The following RAP1B variants were observed in gnomAD, a reference collection of about 807,000 sequenced individuals.
RAP1B encodes the protein RAP1B, member of RAS oncogene family, also known as ras-related protein Rap-1b.
In RAP1B, 1 loss-of-function variant was observed where a neutral mutation model predicts 27.5. The observed-to-expected ratio is 0.04, with a 90% CI of 0.01 to 0.17. RAP1B has a LOEUF of 0.17. Among genes scored for constraint, RAP1B ranks in the 10% least tolerant of loss-of-function variants. The probability of loss-of-function intolerance (pLI) is 1.00; values close to 1 mark genes in which losing one functional copy is unlikely to be tolerated. For missense variants in RAP1B, 84 were observed against 214.8 expected, an observed-to-expected ratio of 0.39 and a Z score of 3.81; for synonymous variants, 75 against 73.1, an observed-to-expected ratio of 1.03 and a Z score of -0.13.
chr12:68,627,117 T>A (rs1871851296), intron 1 of RAP1B: 9 of 1,587,388 alleles, frequency 5.7e-6, no homozygotes, highest in Non-Finnish European at 7.7e-6. Context: ...GATGATAACT[T>A]GGCCAGTGTG....
At position 68,635,628 on chromosome 12, in the gene RAP1B, G is replaced by A. The variant is rs2135940206; in HGVS notation, c.-26-13071G>A. Among the ~76,000 whole-genome samples the A allele has an allele frequency of 1.3e-5, 2 of 150,408 alleles. 1 individual carries two copies. The highest frequency in any genetic ancestry group is 4.9e-5 in the African/African-American group (2 of 40,942). Reference sequence around the variant, plus strand: ...CCGCCACCTCACCCAGCCAATTTTTGTATTTTGGTAGAGACGGGGTTTCAC... The same window carrying A: ...CCGCCACCTCACCCAGCCAATTTTTATATTTTGGTAGAGACGGGGTTTCAC... On this transcript the variant is annotated intron_variant, in intron 1 of 7. Transcript: ENST00000250559.
In RAP1B at chr12:68,634,391, A is replaced by G. The variant is rs61925015; in HGVS notation, c.-26-14308A>G. Among the ~76,000 whole-genome samples the G allele has an allele frequency of 4.7e-3, 713 of 152,310 alleles. 5 individuals are homozygous for G. The highest frequency in any genetic ancestry group is 7.3e-3 in the Non-Finnish European group (494 of 68,012). On this transcript the variant is annotated intron_variant, in intron 1 of 7. Transcript: ENST00000250559. ...AAGTAGAACTGATTCCAACCCAGAC[A>G]ATGGGATCTAAAGCCTATACTGAGT... is the stretch of plus-strand genomic sequence containing the variant.
chr12:68,621,777 T>C (rs1241179696), intron 1 of RAP1B, among the ~76,000 whole-genome samples: 1 of 152,208 alleles, frequency 6.6e-6, no homozygotes, highest in Non-Finnish European at 1.5e-5. Context: ...GAAGGTCCTA[T>C]GTAGAGGATA....
chr12:68,611,546 C>T (rs547740960), intron 1 of RAP1B, among the ~76,000 whole-genome samples: 1 of 152,062 alleles, frequency 6.6e-6, no homozygotes, highest in South Asian at 2.1e-4. Context: ...TTCTCCCAGC[C>T]CCGAGCTAGG....
intron 5 of RAP1B, 99 bp downstream of exon 5, chr12:68,654,351 TG>T (rs112638624): frequency 0.011 from 1,842 of 164,802 alleles, 14 homozygotes; most frequent in Middle Eastern, 0.04. Flanking sequence ...GTATTTTGGT[TG>T]GGGGGGGGGT....
rs1873605645 is a variant in RAP1B, at chr12:68,648,784, A to G, written c.57+3A>G. 9 of 1,609,646 alleles carry G rather than the reference A, an allele frequency of 5.6e-6. No individual in the cohort carries two copies. Among genetic ancestry groups the G allele is most frequent in the Admixed American group, 5.1e-5 (3 of 58,894 alleles). ...GAGGCGTTGGAAAGTCTGCTTTGGTAAGTCATTCTTACTTTACCTAAGCCT... is the reference window on the plus strand; with the variant it reads ...GAGGCGTTGGAAAGTCTGCTTTGGTGAGTCATTCTTACTTTACCTAAGCCT... On this transcript the variant is annotated splice_donor_region_variant and intron_variant, in intron 2 of 7. Transcript: ENST00000250559.
rs878980222 is a variant in RAP1B, at chr12:68,643,015, T to C, written c.-26-5684T>C. ...CCATGTTGGGATTCTTCACCGACCC[T>C]GGCTGCCCACGGTCCACTGCAGCCG... is the stretch of plus-strand genomic sequence containing the variant. On this transcript the variant is annotated intron_variant, in intron 1 of 7. Coordinates refer to ENST00000250559, the MANE Select transcript of RAP1B (RefSeq NM_001010942.3). 1.5e-4 allele frequency: 116 copies of C among 779,748 alleles called. 1 individual carries two copies. Among genetic ancestry groups the C allele is most frequent in the South Asian group, 1.2e-3 (90 of 73,830 alleles). The allele number at this position is 779,748 out of a possible 1,614,324, so 48.3% of individuals were successfully genotyped here.
chr12:68,618,009 C>T (rs922595886), intron 1 of RAP1B, among the ~76,000 whole-genome samples: 8 of 151,550 alleles, frequency 5.3e-5, no homozygotes, highest in Non-Finnish European at 1.2e-4. Context: ...GTAATCTGCC[C>T]GCCTCCACCT....
intron 1 of RAP1B, among the ~76,000 whole-genome samples, chr12:68,635,820 G>A (rs1386481962): frequency 6.6e-6 from 1 of 152,232 alleles, no homozygotes; most frequent in East Asian, 1.9e-4. Context: ...GGTGAGTGTA[G>A]TAGTTAAACA....
At chr12:68,617,360 T>C (rs1871099820) in intron 1 of RAP1B, among the ~76,000 whole-genome samples, 2 of 152,220 alleles carry the variant, frequency 1.3e-5, no homozygotes, top group African/African-American at 4.8e-5. Flanking sequence ...ATCCACAAGC[T>C]TCTCAATACA....
Position 68,642,893 on chromosome 12 carries a change from C to T in RAP1B, c.-26-5806C>T, listed in dbSNP as rs1873122383. 6 of 958,930 alleles carry T rather than the reference C, an allele frequency of 6.3e-6. No homozygotes were observed. The South Asian group carries it at 6.5e-5, about 10-fold the overall frequency. 59.4% of individuals were successfully genotyped at this position (958,930 alleles called of 1,614,324 possible). ...CAACCTGGAGGTGAGGGTCTCATTCCAGGATTTCAGGAAACTAGCAATGGC... is the reference window on the plus strand; with the variant it reads ...CAACCTGGAGGTGAGGGTCTCATTCTAGGATTTCAGGAAACTAGCAATGGC... On this transcript the variant is annotated intron_variant, in intron 1 of 7. Coordinates refer to ENST00000250559, the MANE Select transcript of RAP1B (RefSeq NM_001010942.3).
At chr12:68,646,671 A>G (rs1873434427) in intron 1 of RAP1B, among the ~76,000 whole-genome samples, 1 of 152,154 alleles carries the variant, frequency 6.6e-6, no homozygotes, top group Non-Finnish European at 1.5e-5. Context: ...TCTCACTCCC[A>G]GTGGAGGAAG....
chr12:68,642,645 T>C, intron 1 of RAP1B: 1 of 1,087,134 alleles, frequency 9.2e-7, no homozygotes, highest in South Asian at 1.2e-5. Context: ...ATCTTCTCCA[T>C]CTGTTTCTCA....
intron 1 of RAP1B, chr12:68,648,016 A>T (rs1372877754): frequency 6.6e-6 from 1 of 152,134 alleles, no homozygotes; most frequent in Non-Finnish European, 1.5e-5. Flanking sequence ...TTTTATTCTC[A>T]TGTAATGCCC....
intron 1 of RAP1B, among the ~76,000 whole-genome samples, chr12:68,643,654 C>T (rs1475700364): frequency 6.6e-6 from 1 of 151,978 alleles, no homozygotes; most frequent in Non-Finnish European, 1.5e-5. Context: ...AGTACTTTTC[C>T]AACATCAATA....
At position 68,657,825 on chromosome 12, in the gene RAP1B, A is replaced by AAC. The variant is rs201612273; in HGVS notation, c.*30+627_*30+628dup. ...TCCCAGCCAACCGTCCCTAATTTAA[A>AAC]ACACACACACACACACACACCCCTG... On this transcript the variant is annotated intron_variant, in intron 7 of 7. Transcript: ENST00000250559. 8.9e-3 allele frequency: 1,346 copies of AAC among 151,288 alleles called. 14 individuals are homozygous for AAC. The highest frequency in any genetic ancestry group is 0.044 in the East Asian group (229 of 5,152). 9.4% of individuals were successfully genotyped at this position (151,288 alleles called of 1,614,324 possible).
rs1875046662 is a variant in RAP1B at position 68,670,576 on chromosome 12, A to C, written c.*11327A>C. 6.6e-6 allele frequency: 1 copy of C among 152,232 alleles called. No homozygotes were observed. Among genetic ancestry groups the C allele is most frequent in the Non-Finnish European group, 1.5e-5 (1 of 68,044 alleles). The allele number at this position is 152,232 out of a possible 1,614,324, so 9.4% of individuals were successfully genotyped here. A position where few individuals can be genotyped will look rare whatever the true frequency, so the allele number is the denominator to read the frequency against. On this transcript the variant is annotated 3_prime_UTR_variant, in exon 8 of 8. Transcript: ENST00000250559. ...TCCCAATAAGCCCATCAGAAGTCAA[A>C]AATGTAAGTCGAAAATGCATTTAAT...
Position 68,667,574 on chromosome 12 carries a change from A to C in RAP1B, c.*8325A>C, listed in dbSNP as rs892125378. On this transcript the variant is annotated 3_prime_UTR_variant, in exon 8 of 8. Coordinates refer to ENST00000250559, the MANE Select transcript of RAP1B (RefSeq NM_001010942.3). ...CTCAAAAATGAATTTGGGCTTCTCC[A>C]GATAGCCTTTTTATCCATTTATTAT... 6.6e-6 allele frequency: 1 copy of C among 152,214 alleles called. No homozygotes were observed. The highest frequency in any genetic ancestry group is 2.4e-5 in the African/African-American group (1 of 41,460). The allele number at this position is 152,214 out of a possible 1,614,324, so 9.4% of individuals were successfully genotyped here.
In RAP1B at chr12:68,626,942, G is replaced by A. The variant is rs1871833932; in HGVS notation, c.-27+15899G>A. 6.5e-6 allele frequency: 10 copies of A among 1,534,174 alleles called. No individual in the cohort carries two copies. The South Asian group carries it at 1.0e-4, about 15-fold the overall frequency. ...TGTACTTGACCCGACAGCCATCTGG[G>A]ATGAGCCGCTTCTCAGTCACCATGT... On this transcript the variant is annotated intron_variant, in intron 1 of 7. Coordinates refer to ENST00000250559, the MANE Select transcript of RAP1B (RefSeq NM_001010942.3).
Sources: allele counts gnomAD v4.1 joint callset (sites outside exome capture counted in the v4.1 genomes callset), GRCh38; gene constraint gnomAD v4.1.1; transcripts MANE v1.5; gene names NCBI Gene and HGNC (gene_info 2026-07-23, HGNC 2026-07-21).